The following PCDHA4 variants were observed in gnomAD, a reference collection of about 807,000 sequenced individuals.
The protein encoded by PCDHA4 is protocadherin alpha-4.
PCDHA4 carries 49 observed loss-of-function variants against 61.4 expected under a neutral mutation model. The observed-to-expected ratio is 0.80, with a 90% CI of 0.63 to 1.01. The LOEUF (loss-of-function observed/expected upper bound fraction) is 1.01. Ranked by LOEUF, PCDHA4 falls within the 50% of genes least tolerant of loss-of-function variation. The pLI, the probability that PCDHA4 is intolerant of heterozygous loss-of-function variation, is 0.00. For missense variants in PCDHA4, 1,254 were observed against 1,235.8 expected, an observed-to-expected ratio of 1.01 and a Z score of -0.22; for synonymous variants, 590 against 550.3, an observed-to-expected ratio of 1.07 and a Z score of -1.01.
intron 1 of PCDHA4, chr5:140,828,066 T>G (rs1334678252): frequency 1.9e-6 from 3 of 1,559,958 alleles, no homozygotes; most frequent in Non-Finnish European, 2.6e-6. Context: ...GATCTTCTAA[T>G]GGAAATAAAA....
At chr5:140,858,510 T>A (rs565313627) in intron 1 of PCDHA4, 1 of 1,437,158 alleles carries the variant, frequency 7.0e-7, no homozygotes. Context: ...TTCTCAAATA[T>A]GTATCAGAAT....
chr5:140,982,487 A>G lies in PCDHA4; in HGVS notation c.2457A>G (p.Leu819=), dbSNP rs1417892860. 3 of 1,614,078 alleles carry G rather than the reference A, an allele frequency of 1.9e-6. No homozygotes were observed. Among genetic ancestry groups the G allele is most frequent in the Non-Finnish European group, 2.5e-6 (3 of 1,180,034 alleles). Residue 819 remains leucine (L), a synonymous_variant, in exon 3 of 4, where the codon CTA becomes CTG. Coordinates refer to ENST00000530339, the MANE Select transcript of PCDHA4 (RefSeq NM_018907.4). ...TGTGTTTATTCAGCTCTGTGCACCTAGAGGAGGCTGGCATTCTACGGGCTG... is the reference window on the plus strand; with the variant it reads ...TGTGTTTATTCAGCTCTGTGCACCTGGAGGAGGCTGGCATTCTACGGGCTG... The part of the protein sequence containing the change: ...LRAGMHSSVH[L]EEAGILRAGP...
chr5:140,962,245 T>C (rs2095666561), intron 1 of PCDHA4, among the ~76,000 whole-genome samples: 1 of 152,170 alleles, frequency 6.6e-6, no homozygotes, highest in Non-Finnish European at 1.5e-5. Context: ...ACCATTTTCT[T>C]CAATGAAAAA....
Position 140,830,475 on chromosome 5 carries a change from A to G in PCDHA4, c.2385+20903A>G, listed in dbSNP as rs2150187028. Reference sequence around the variant, plus strand: ...GAGAATCAGGATTTAAATGAAGATCATGATGCCAAAGTAAGTGAATTTTCA... The same window carrying G: ...GAGAATCAGGATTTAAATGAAGATCGTGATGCCAAAGTAAGTGAATTTTCA... On this transcript the variant is annotated intron_variant, in intron 1 of 3. Coordinates refer to ENST00000530339, the MANE Select transcript of PCDHA4 (RefSeq NM_018907.4). 8.3e-5 allele frequency: 129 copies of G among 1,550,270 alleles called. No individual in the cohort carries two copies. The highest frequency in any genetic ancestry group is 9.5e-5 in the Non-Finnish European group (109 of 1,144,322).
chr5:140,988,423 T>G (rs2097297373), intron 3 of PCDHA4, among the ~76,000 whole-genome samples: 2 of 152,176 alleles, frequency 1.3e-5, no homozygotes. Context: ...GTAAAGAATT[T>G]GTTTGTTTTG....
At chr5:140,913,021 A>G (rs548086979) in intron 1 of PCDHA4, among the ~76,000 whole-genome samples, 1 of 152,154 alleles carries the variant, frequency 6.6e-6, no homozygotes, top group South Asian at 2.1e-4. Context: ...TTTTGCATCA[A>G]TATTCATCAG....
At chr5:140,907,166 A>C (rs2073212277) in intron 1 of PCDHA4, among the ~76,000 whole-genome samples, 2 of 152,174 alleles carry the variant, frequency 1.3e-5, no homozygotes, top group Non-Finnish European at 2.9e-5. Context: ...CATATATTGG[A>C]TGCTGATTCA....
At position 140,850,183 on chromosome 5, in the gene PCDHA4, C is replaced by A. The variant is rs2150471701; in HGVS notation, c.2385+40611C>A. The A allele has an allele frequency of 1.8e-5, 29 of 1,593,776 alleles. 2 individuals carry two copies. In the South Asian group the frequency reaches 3.1e-4, roughly 17 times the overall value. On this transcript the variant is annotated intron_variant, in intron 1 of 3. Coordinates refer to ENST00000530339, the MANE Select transcript of PCDHA4 (RefSeq NM_018907.4). The stretch of plus-strand genomic sequence containing the variant: ...GTGCTGGACGAGAACGACAATGCGC[C>A]GGCGCTGCTGACACCTCGGATGAGG...
At position 140,841,334 on chromosome 5, in the gene PCDHA4, T is replaced by C. The variant is rs2150313767; in HGVS notation, c.2385+31762T>C. The C allele has an allele frequency of 4.1e-5, 65 of 1,588,822 alleles. No homozygotes were observed. The African/African-American group carries it at 7.9e-4, about 19-fold the overall frequency. ...ACGACTATTTAACATGGATTATCAC[T>C]GGCGAGGAGAGCTGGGATCCTGGCG... On this transcript the variant is annotated intron_variant, in intron 1 of 3. Coordinates refer to ENST00000530339, the MANE Select transcript of PCDHA4 (RefSeq NM_018907.4).
At chr5:140,856,485 T>C (rs1554148765) in intron 1 of PCDHA4, 1 of 1,598,290 alleles carries the variant, frequency 6.3e-7, no homozygotes, top group East Asian at 2.2e-5. Context: ...GAATCCAGAC[T>C]GCTTGACTCT....
At chr5:140,910,924 A>T (rs568597600) in intron 1 of PCDHA4, among the ~76,000 whole-genome samples, 1 of 152,142 alleles carries the variant, frequency 6.6e-6, no homozygotes, top group Admixed American at 6.5e-5. Flanking sequence ...GCTTATATAA[A>T]TAAGAAAGCT....
At chr5:140,829,158 C>A in intron 1 of PCDHA4, 1 of 1,614,016 alleles carries the variant, frequency 6.2e-7, no homozygotes, top group Non-Finnish European at 8.5e-7. Flanking sequence ...ACTTCCTTAT[C>A]CTTGCCTGTA....
chr5:140,935,501 A>G (rs1337847677), intron 1 of PCDHA4, among the ~76,000 whole-genome samples: 1 of 152,250 alleles, frequency 6.6e-6, no homozygotes, highest in East Asian at 1.9e-4. Context: ...GCACATCCTT[A>G]CAAATGCCCA....
At chr5:140,920,503 A>G (rs1411233164) in intron 1 of PCDHA4, among the ~76,000 whole-genome samples, 1 of 152,126 alleles carries the variant, frequency 6.6e-6, no homozygotes, top group Non-Finnish European at 1.5e-5. Flanking sequence ...AGTTCTACAT[A>G]CTGTTTTATG....
chr5:140,939,340 A>G (rs1337369012), intron 1 of PCDHA4, among the ~76,000 whole-genome samples: 1 of 152,178 alleles, frequency 6.6e-6, no homozygotes, highest in Non-Finnish European at 1.5e-5. Flanking sequence ...AGGGGTTAGC[A>G]TTTCAACTTA....
intron 1 of PCDHA4, among the ~76,000 whole-genome samples, chr5:140,950,831 TTAAGAC>T (rs1337916001): frequency 6.6e-6 from 1 of 152,128 alleles, no homozygotes; most frequent in Non-Finnish European, 1.5e-5. Flanking sequence ...GTTTGGTCCT[TTAAGAC>T]TATACATTTC....
chr5:141,009,510 C>T (rs936602953), intron 3 of PCDHA4, 117 bp from the exon 4 acceptor site: 7 of 1,498,300 alleles, frequency 4.7e-6, no homozygotes, highest in Admixed American at 4.7e-5. Flanking sequence ...ACAAACAACT[C>T]GTGATTTTTC....
intron 1 of PCDHA4, among the ~76,000 whole-genome samples, chr5:140,956,438 G>A (rs891696288): frequency 1.3e-5 from 2 of 152,154 alleles, no homozygotes; most frequent in Non-Finnish European, 2.9e-5. Context: ...TTCTGCTTAT[G>A]TGATGAATTA....
chr5:140,955,022 A>G (rs1468442096), intron 1 of PCDHA4, among the ~76,000 whole-genome samples: 2 of 152,182 alleles, frequency 1.3e-5, no homozygotes, highest in Non-Finnish European at 2.9e-5. Flanking sequence ...ACCATTTATT[A>G]AATAGGGAAT....
Sources: gnomAD v4.1 joint callset for allele counts (sites outside exome capture counted in the v4.1 genomes callset) on GRCh38, gnomAD v4.1.1 for gene constraint, MANE v1.5 for transcripts, NCBI Gene and HGNC (gene_info 2026-07-23, HGNC 2026-07-21) for gene names.